The following OPCML variants were observed in gnomAD, a reference collection of about 807,000 sequenced individuals.
OPCML encodes the protein opioid-binding protein/cell adhesion molecule.
Under a neutral mutation model 37.8 loss-of-function variants are expected in OPCML, and 13 were observed. The observed-to-expected ratio is 0.34, with a 90% CI of 0.22 to 0.55. OPCML has a LOEUF of 0.55. OPCML is among the 20% of genes least tolerant of loss of function. The pLI, the probability that OPCML is intolerant of heterozygous loss-of-function variation, is 0.91. For missense variants in OPCML, 341 were observed against 435.6 expected (o/e 0.78, Z 1.93); for synonymous variants, 176 against 168.8 (o/e 1.04, Z -0.33).
chr11:132,649,107 C>T (rs556873120), intron 3 of OPCML, among the ~76,000 whole-genome samples: 7 of 151,810 alleles, frequency 4.6e-5, no homozygotes, highest in East Asian at 1.9e-4. Context: ...AAACTGTGTG[C>T]GTGTAAGAGT....
intron 3 of OPCML, among the ~76,000 whole-genome samples, chr11:132,570,755 G>C (rs1392797696): frequency 6.6e-5 from 2 of 30,102 alleles, no homozygotes; most frequent in East Asian, 1.1e-3. Context: ...AGGAAAGAGA[G>C]TATATATATA....
intron 1 of OPCML, among the ~76,000 whole-genome samples, chr11:133,455,156 T>A (rs1665477497): frequency 6.6e-6 from 1 of 152,176 alleles, no homozygotes; most frequent in East Asian, 1.9e-4. Flanking sequence ...CACAAAGAGT[T>A]GAGGAAAGTT....
chr11:132,654,995 C>G (rs1156779872), intron 3 of OPCML, among the ~76,000 whole-genome samples: 1 of 152,196 alleles, frequency 6.6e-6, no homozygotes, highest in Non-Finnish European at 1.5e-5. Flanking sequence ...GCTTGGAGGT[C>G]CACAGGGAGA....
intron 2 of OPCML, among the ~76,000 whole-genome samples, chr11:132,732,849 G>A (rs80129458): frequency 1.4e-4 from 22 of 152,200 alleles, no homozygotes; most frequent in African/African-American, 5.3e-4. Context: ...TGACCACTAC[G>A]GAAGAAGCCT....
In OPCML at chr11:132,579,385, A is replaced by ATGTGTGTGTGTGTGTGTGTG. The variant is rs66467384; in HGVS notation, c.380-50219_380-50200dup. Among the ~76,000 whole-genome samples, 4 of 146,630 alleles carry ATGTGTGTGTGTGTGTGTGTG rather than the reference A, an allele frequency of 2.7e-5. No homozygotes were observed. In the South Asian group the frequency reaches 6.8e-4, roughly 25 times the overall value. On this transcript the variant is annotated intron_variant, in intron 3 of 7. Transcript: ENST00000524381. ...AGGAGACAGGGAAGTTAGAATGAAT[A>ATGTGTGTGTGTGTGTGTGTG]TGTGTGTGTGTGTGTGTGTGTGTGT...
At chr11:132,783,448 G>T (rs1162088177) in intron 2 of OPCML, among the ~76,000 whole-genome samples, 5 of 152,122 alleles carry the variant, frequency 3.3e-5, no homozygotes. Context: ...CAATTTCACA[G>T]CCATGTTCAA....
chr11:133,354,647 A>G (rs76137891), intron 1 of OPCML, among the ~76,000 whole-genome samples: 4,197 of 152,262 alleles, frequency 0.028, 81 homozygotes, highest in South Asian at 0.044. Context: ...GTCATCTCTC[A>G]TTTGCAGTAT....
chr11:133,076,018 T>A (rs1332349775), intron 1 of OPCML, among the ~76,000 whole-genome samples: 1 of 152,196 alleles, frequency 6.6e-6, no homozygotes, highest in Non-Finnish European at 1.5e-5. Flanking sequence ...CCCATGTACA[T>A]TGGTATTACT....
chr11:132,904,164 C>T (rs1332988509), intron 2 of OPCML, among the ~76,000 whole-genome samples: 1 of 152,146 alleles, frequency 6.6e-6, no homozygotes, highest in Non-Finnish European at 1.5e-5. Context: ...ATCTTGGACA[C>T]CCTTTTTTGA....
At chr11:133,127,414 G>A (rs1469684012) in intron 1 of OPCML, among the ~76,000 whole-genome samples, 4 of 151,970 alleles carry the variant, frequency 2.6e-5, no homozygotes, top group Admixed American at 2.0e-4. Flanking sequence ...CAGGAGCATC[G>A]CTTGAGCCCA....
At chr11:132,876,911 A>C (rs1943040986) in intron 2 of OPCML, among the ~76,000 whole-genome samples, 1 of 152,172 alleles carries the variant, frequency 6.6e-6, no homozygotes, top group African/African-American at 2.4e-5. Flanking sequence ...GAAACCACAG[A>C]CTGTTAAAGG....
intron 3 of OPCML, among the ~76,000 whole-genome samples, chr11:132,592,746 C>T (rs2096486506): frequency 6.6e-6 from 1 of 152,112 alleles, no homozygotes; most frequent in African/African-American, 2.4e-5. Context: ...AGGAGTGGTC[C>T]AGAATGTACA....
At chr11:132,959,180 A>T (rs1308012568) in intron 1 of OPCML, among the ~76,000 whole-genome samples, 2 of 152,212 alleles carry the variant, frequency 1.3e-5, no homozygotes, top group South Asian at 2.1e-4. Context: ...AGCCTCATGG[A>T]TGACTTTGAG....
At chr11:132,482,558 T>G (rs1352124864) in intron 4 of OPCML, among the ~76,000 whole-genome samples, 1 of 152,258 alleles carries the variant, frequency 6.6e-6, no homozygotes, top group Non-Finnish European at 1.5e-5. Flanking sequence ...GAATCATCCC[T>G]AACTCATTTT....
At chr11:132,841,430 C>T (rs1388522288) in intron 2 of OPCML, among the ~76,000 whole-genome samples, 1 of 152,082 alleles carries the variant, frequency 6.6e-6, no homozygotes, top group African/African-American at 2.4e-5. Flanking sequence ...AGGGCCAGGC[C>T]TGCCAAGGCC....
intron 1 of OPCML, among the ~76,000 whole-genome samples, chr11:133,197,994 C>T (rs1210843457): frequency 6.6e-6 from 1 of 152,176 alleles, no homozygotes; most frequent in East Asian, 1.9e-4. Flanking sequence ...CCTATCAACC[C>T]AGACAGACGA....
intron 1 of OPCML, among the ~76,000 whole-genome samples, chr11:133,356,432 C>T (rs2136705124): frequency 6.6e-6 from 1 of 152,272 alleles, no homozygotes; most frequent in African/African-American, 2.4e-5. Context: ...TATTGCCTCT[C>T]CACAATCGGG....
At chr11:133,031,407 G>A (rs1201305091) in intron 1 of OPCML, among the ~76,000 whole-genome samples, 1 of 151,070 alleles carries the variant, frequency 6.6e-6, no homozygotes, top group Non-Finnish European at 1.5e-5. Context: ...GGATGGGTAG[G>A]TGAATGGATG....
At chr11:132,529,887 T>A (rs2096319414) in intron 3 of OPCML, among the ~76,000 whole-genome samples, 1 of 152,208 alleles carries the variant, frequency 6.6e-6, no homozygotes, top group Non-Finnish European at 1.5e-5. Context: ...TTGTATTTTT[T>A]AAATGGCATC....
Sources: allele counts gnomAD v4.1 joint callset (sites outside exome capture counted in the v4.1 genomes callset), GRCh38; gene constraint gnomAD v4.1.1; transcripts MANE v1.5; gene names NCBI Gene and HGNC (gene_info 2026-07-23, HGNC 2026-07-21).